NTM: variants seen among roughly 807,000 people sequenced by gnomAD.
NTM encodes IgLON family member 2.
A neutral mutation model predicts 42.1 loss-of-function variants in NTM; 13 were observed. That is an observed-to-expected ratio of 0.31 (90% confidence interval 0.20 to 0.49). The LOEUF (loss-of-function observed/expected upper bound fraction) is 0.49. Ranked by LOEUF, NTM falls within the 20% of genes least tolerant of loss-of-function variation. NTM has a pLI of 0.99. For synonymous variants in NTM, 187 were observed against 179.2 expected (o/e 1.04, Z -0.35); for missense variants, 373 against 452.8 (o/e 0.82, Z 1.60).
At chr11:131,942,091 A>C (rs575105965) in intron 2 of NTM, among the ~76,000 whole-genome samples, 1 of 152,214 alleles carries the variant, frequency 6.6e-6, no homozygotes, top group African/African-American at 2.4e-5. Context: ...AAATGAAAGA[A>C]GTTGTCATAT....
chr11:131,682,453 C>G (rs1366904037), intron 1 of NTM, among the ~76,000 whole-genome samples: 1 of 152,198 alleles, frequency 6.6e-6, no homozygotes, highest in Non-Finnish European at 1.5e-5. Context: ...GCAGGGAGTC[C>G]TGGGAGGCTG....
At chr11:131,470,016 A>G (rs555111367) in intron 1 of NTM, among the ~76,000 whole-genome samples, 1 of 152,298 alleles carries the variant, frequency 6.6e-6, no homozygotes, top group East Asian at 1.9e-4. Flanking sequence ...TGAGAACAAA[A>G]TTAGAGGTGA....
intron 1 of NTM, among the ~76,000 whole-genome samples, chr11:131,461,166 G>A (rs10894399): frequency 0.061 from 9,265 of 152,252 alleles, 648 homozygotes; most frequent in East Asian, 0.21. Context: ...CAGAATCTAC[G>A]GGTATGCCTG....
chr11:131,430,645 G>A (rs968391041), intron 1 of NTM, among the ~76,000 whole-genome samples: 1 of 152,234 alleles, frequency 6.6e-6, no homozygotes, highest in Non-Finnish European at 1.5e-5. Context: ...CACCCTGAAA[G>A]TTGCATCATG....
intron 3 of NTM, among the ~76,000 whole-genome samples, chr11:132,202,354 AC>A (rs1331495097): frequency 6.6e-6 from 1 of 151,890 alleles, no homozygotes; most frequent in Non-Finnish European, 1.5e-5. Flanking sequence ...TTTTCTTCCC[AC>A]CCCATCTATC....
chr11:131,960,527 G>T (rs182665279), intron 2 of NTM, among the ~76,000 whole-genome samples: 1 of 91,346 alleles, frequency 1.1e-5, no homozygotes, highest in Non-Finnish European at 2.2e-5. Flanking sequence ...CCAGGAGCTG[G>T]CCCCATCCCC....
chr11:131,873,862 G>A (rs2137124377), intron 1 of NTM, among the ~76,000 whole-genome samples: 1 of 141,698 alleles, frequency 7.1e-6, no homozygotes, highest in East Asian at 2.0e-4. Flanking sequence ...CTGTGTCCAT[G>A]TGTTCTCATT....
At chr11:132,229,695 G>A (rs1014939491) in intron 4 of NTM, among the ~76,000 whole-genome samples, 2 of 152,138 alleles carry the variant, frequency 1.3e-5, no homozygotes, top group African/African-American at 4.8e-5. Flanking sequence ...AGATTCAGAA[G>A]CTAGTGTTTT....
chr11:131,841,871 A>T (rs1024328597), intron 1 of NTM, among the ~76,000 whole-genome samples: 3 of 152,220 alleles, frequency 2.0e-5, no homozygotes, highest in Non-Finnish European at 4.4e-5. Flanking sequence ...TCCCACTCAG[A>T]AATCTGTGAT....
chr11:131,833,776 T>TG (rs1233133871), intron 1 of NTM, among the ~76,000 whole-genome samples: 3 of 152,274 alleles, frequency 2.0e-5, no homozygotes, highest in Admixed American at 6.5e-5. Flanking sequence ...TGGTTAAAGA[T>TG]GGGGGGATGC....
intron 1 of NTM, among the ~76,000 whole-genome samples, chr11:131,456,141 A>G (rs10894396): frequency 0.69 from 104,401 of 152,082 alleles, 36,083 homozygotes; most frequent in African/African-American, 0.75. Flanking sequence ...AGCACTAGGC[A>G]TAAGTTGATT....
intron 1 of NTM, among the ~76,000 whole-genome samples, chr11:131,847,479 C>T (rs1169705617): frequency 1.3e-5 from 2 of 152,082 alleles, no homozygotes; most frequent in Admixed American, 6.6e-5. Context: ...CTTTCGGGAC[C>T]TGTAGGCTGT....
chr11:132,037,613 T>G (rs900902956), intron 2 of NTM, among the ~76,000 whole-genome samples: 2 of 152,096 alleles, frequency 1.3e-5, no homozygotes, highest in African/African-American at 4.8e-5. Flanking sequence ...GGATATTCAG[T>G]GTTGTTATCA....
intron 2 of NTM, among the ~76,000 whole-genome samples, chr11:132,056,980 T>C (rs1256682643): frequency 1.3e-5 from 2 of 152,192 alleles, no homozygotes; most frequent in Non-Finnish European, 2.9e-5. Flanking sequence ...CGTATAGCAG[T>C]GTTAGTACGA....
intron 1 of NTM, among the ~76,000 whole-genome samples, chr11:131,564,117 G>GC (rs1214351924): frequency 6.6e-6 from 1 of 152,164 alleles, no homozygotes; most frequent in Non-Finnish European, 1.5e-5. Flanking sequence ...AGTGGTTTAT[G>GC]CCCCTTGATT....
chr11:131,830,273 G>A (rs898040208), intron 1 of NTM, among the ~76,000 whole-genome samples: 3 of 151,998 alleles, frequency 2.0e-5, no homozygotes, highest in African/African-American at 7.2e-5. Context: ...TGTTTCCTGG[G>A]TTTTCTTCTA....
chr11:132,318,495 T>C (rs758530105), intron 7 of NTM, among the ~76,000 whole-genome samples: 2 of 152,134 alleles, frequency 1.3e-5, no homozygotes, highest in Non-Finnish European at 2.9e-5. Flanking sequence ...TACATCCTCT[T>C]CCACTTCCAG....
intron 1 of NTM, among the ~76,000 whole-genome samples, chr11:131,567,217 A>G (rs2056984185): frequency 1.3e-5 from 2 of 152,178 alleles, no homozygotes; most frequent in African/African-American, 4.8e-5. Context: ...GAGGCCGGGC[A>G]CAGTGGCTCA....
At chr11:131,770,353 C>T (rs1452190499) in intron 1 of NTM, among the ~76,000 whole-genome samples, 1 of 152,134 alleles carries the variant, frequency 6.6e-6, no homozygotes, top group East Asian at 1.9e-4. Flanking sequence ...CTAGTGTAGG[C>T]TTAGAGAGCT....
Sources: allele counts gnomAD v4.1 joint callset (sites outside exome capture counted in the v4.1 genomes callset), GRCh38; gene constraint gnomAD v4.1.1; transcripts MANE v1.5; gene names NCBI Gene and HGNC (gene_info 2026-07-23, HGNC 2026-07-21).